TMEM182: variants seen among roughly 807,000 people sequenced by gnomAD.
TMEM182 encodes transmembrane protein 182.
TMEM182 carries 20 observed loss-of-function variants against 26.8 expected under a neutral mutation model. That is an observed-to-expected ratio of 0.75 (90% CI 0.53 to 1.09). The LOEUF (loss-of-function observed/expected upper bound fraction) is 1.09, where lower values mean the gene tolerates loss of function less well. TMEM182 is among the 50% of genes least tolerant of loss of function. The probability of loss-of-function intolerance (pLI) is 0.00; values close to 1 mark genes in which losing one functional copy is unlikely to be tolerated. For synonymous variants in TMEM182, 109 were observed against 102.2 expected (o/e 1.07, Z -0.40); for missense variants, 277 against 275.5 (o/e 1.01, Z -0.04).
At chr2:102,803,957 C>T (rs922752830) in intron 4 of TMEM182, among the ~76,000 whole-genome samples, 3 of 152,048 alleles carry the variant, frequency 2.0e-5, no homozygotes, top group Non-Finnish European at 2.9e-5. Context: ...GCACACGCAG[C>T]CCTGGCATCC....
At chr2:102,834,996 GA>G (rs1465063088) in intron 3 of TMEM182, among the ~76,000 whole-genome samples, 1 of 152,086 alleles carries the variant, frequency 6.6e-6, no homozygotes, top group Non-Finnish European at 1.5e-5. Context: ...TCCTCCTTTG[GA>G]AATTAAGGAT....
intron 1 of TMEM182, among the ~76,000 whole-genome samples, chr2:102,742,327 A>G (rs1046292976): frequency 6.6e-6 from 1 of 152,188 alleles, no homozygotes; most frequent in African/African-American, 2.4e-5. Context: ...GAAAATTCCT[A>G]AACTGAAAAG....
At position 102,843,445 on chromosome 2, in the gene TMEM182, C is replaced by A. The variant is rs886138082; in HGVS notation, c.359C>A (p.Ser120Ter). The A allele has an allele frequency of 2.0e-5, 3 of 152,220 alleles. No homozygotes were observed. The highest frequency in any genetic ancestry group is 2.0e-4 in the Admixed American group (3 of 15,284). 9.4% of individuals were successfully genotyped at this position (152,220 alleles called of 1,614,324 possible). The stretch of plus-strand genomic sequence containing the variant: ...TCTTCTCTCTGTTACTCAAGCCTCT[C>A]AAAGTCCTTATTGTCCCAGCCTCTG... Residue 120 changes from serine to a stop codon, truncating the protein, a stop_gained, in exon 4 of 4, where the codon TCA becomes TAA. Coordinates refer to the TMEM182 transcript ENST00000486293. LOFTEE classifies it low-confidence loss of function (END_TRUNC).
downstream of TMEM182, among the ~76,000 whole-genome samples, chr2:102,819,215 A>G (rs1350941665): frequency 6.6e-6 from 1 of 152,206 alleles, no homozygotes; most frequent in Non-Finnish European, 1.5e-5. Flanking sequence ...AAATTTACCA[A>G]TGCTTACACA....
chr2:102,772,527 T>A (rs908337400), intron 3 of TMEM182, among the ~76,000 whole-genome samples: 4 of 152,058 alleles, frequency 2.6e-5, no homozygotes, highest in African/African-American at 9.7e-5. Context: ...ATGAGCTATT[T>A]TGGAAGCTCC....
chr2:102,835,841 TC>T (rs1250376795), intron 3 of TMEM182, among the ~76,000 whole-genome samples: 2 of 119,972 alleles, frequency 1.7e-5, no homozygotes, highest in Non-Finnish European at 3.5e-5. Flanking sequence ...ATGCTATCCC[TC>T]CCCCCTCCCC....
chr2:102,758,088 T>C (rs962138598), upstream of TMEM182, among the ~76,000 whole-genome samples: 1 of 152,086 alleles, frequency 6.6e-6, no homozygotes, highest in Admixed American at 6.6e-5. Flanking sequence ...ACCTTATCAA[T>C]GTAAAGATAG....
chr2:102,762,738 CA>C, intron 2 of TMEM182, 52 bp downstream of exon 2: 1 of 1,444,388 alleles, frequency 6.9e-7, no homozygotes, highest in South Asian at 1.2e-5. Context: ...TAAAAATGAA[CA>C]GTTTCTTACA....
chr2:102,801,840 A>C (rs1682154404), intron 4 of TMEM182, among the ~76,000 whole-genome samples: 1 of 152,184 alleles, frequency 6.6e-6, no homozygotes, highest in African/African-American at 2.4e-5. Flanking sequence ...CTCTGGGATA[A>C]GTCAGCCTAA....
chr2:102,791,410 T>C (rs1429057581), intron 3 of TMEM182, among the ~76,000 whole-genome samples: 1 of 152,168 alleles, frequency 6.6e-6, no homozygotes, highest in Non-Finnish European at 1.5e-5. Context: ...TAGAATAAGG[T>C]TTTGAAATAA....
rs1682735597 is a variant in TMEM182 at position 102,816,137 on chromosome 2, G to A, written c.*1169G>A. 1.0e-6 allele frequency: 1 copy of A among 985,264 alleles called. No homozygotes were observed. The highest frequency in any genetic ancestry group is 1.2e-6 in the Non-Finnish European group (1 of 829,940). The allele number at this position is 985,264 out of a possible 1,614,324, so 61.0% of individuals were successfully genotyped here. A position where few individuals can be genotyped will look rare whatever the true frequency, so the allele number is the denominator to read the frequency against. On this transcript the variant is annotated 3_prime_UTR_variant, in exon 5 of 5. Coordinates refer to ENST00000412401, the MANE Select transcript of TMEM182 (RefSeq NM_144632.5). ...CATAGACATTTTGCATATCAAAGAT[G>A]TTCATTTGGCACTAATGTTGATTGA...
At chr2:102,812,134 G>T (rs994727469) in intron 4 of TMEM182, among the ~76,000 whole-genome samples, 1 of 152,132 alleles carries the variant, frequency 6.6e-6, no homozygotes, top group Non-Finnish European at 1.5e-5. Flanking sequence ...TCACTGTAGG[G>T]TTTATTTTAG....
At chr2:102,789,748 AC>A (rs376729674) in intron 3 of TMEM182, among the ~76,000 whole-genome samples, 34 of 152,086 alleles carry the variant, frequency 2.2e-4, no homozygotes, top group African/African-American at 8.2e-4. Context: ...GGTCTTGAGT[AC>A]CCCCTGACAC....
intron 3 of TMEM182, among the ~76,000 whole-genome samples, chr2:102,795,568 G>A (rs1028087210): frequency 2.0e-5 from 3 of 152,076 alleles, no homozygotes; most frequent in African/African-American, 7.2e-5. Flanking sequence ...ACCCTGGGGC[G>A]CACACCACTC....
In TMEM182 at chr2:102,811,535, A is replaced by G. The variant is rs373567142; in HGVS notation, c.470-3213A>G. 7.2e-5 allele frequency among the ~76,000 whole-genome samples: 11 copies of G among 152,254 alleles called. No homozygotes were observed. In the East Asian group the frequency reaches 1.7e-3, roughly 24 times the overall value. On this transcript the variant is annotated intron_variant, in intron 4 of 4. Transcript: ENST00000412401. ...GCATTCATTTTTATTTCTTCTCCGA[A>G]TTATTTTTAAGTGATTGTCAAATGG...
At chr2:102,784,631 A>C (rs1681312297) in intron 3 of TMEM182, among the ~76,000 whole-genome samples, 1 of 152,244 alleles carries the variant, frequency 6.6e-6, no homozygotes, top group Admixed American at 6.5e-5. Flanking sequence ...GAGGAATAAA[A>C]GAATGGCTAC....
At chr2:102,797,617 G>T in intron 3 of TMEM182, 1 of 418,520 alleles carries the variant, frequency 2.4e-6, no homozygotes, top group Non-Finnish European at 4.2e-6. Flanking sequence ...AGTATATTAA[G>T]CATGTGTGTG....
At chr2:102,792,926 T>C (rs1468514003) in intron 3 of TMEM182, among the ~76,000 whole-genome samples, 1 of 152,166 alleles carries the variant, frequency 6.6e-6, no homozygotes, top group Non-Finnish European at 1.5e-5. Context: ...TCCACACTTC[T>C]GTCTTGCTGT....
intron 3 of TMEM182, among the ~76,000 whole-genome samples, chr2:102,776,644 G>T (rs1680927399): frequency 6.6e-6 from 1 of 152,112 alleles, no homozygotes; most frequent in Admixed American, 6.5e-5. Flanking sequence ...TTTTTTTGTG[G>T]ACATAAGTTT....
Sources: gnomAD v4.1 joint callset for allele counts (sites outside exome capture counted in the v4.1 genomes callset) on GRCh38, gnomAD v4.1.1 for gene constraint, MANE v1.5 for transcripts, NCBI Gene and HGNC (gene_info 2026-07-23, HGNC 2026-07-21) for gene names.